BCAR3: variants seen among roughly 807,000 people sequenced by gnomAD.
BCAR3 encodes breast cancer anti-estrogen resistance protein 3.
BCAR3 carries 37 observed loss-of-function variants against 80.1 expected under a neutral mutation model. That is an observed-to-expected ratio of 0.46 (90% CI 0.36 to 0.61). The LOEUF (loss-of-function observed/expected upper bound fraction) is 0.61. BCAR3 is among the 20% of genes least tolerant of loss of function. The pLI, the probability that BCAR3 is intolerant of heterozygous loss-of-function variation, is 0.00. For synonymous variants in BCAR3, 389 were observed against 418.9 expected, an observed-to-expected ratio of 0.93 and a Z score of 0.87; for missense variants, 978 against 1,068.2, an observed-to-expected ratio of 0.92 and a Z score of 1.18.
chr1:93,820,683 T>C (rs1053564605), intron 2 of BCAR3, among the ~76,000 whole-genome samples: 8 of 152,150 alleles, frequency 5.3e-5, no homozygotes, highest in African/African-American at 1.7e-4. Context: ...TAACGTTGTT[T>C]AGGGTTTTTG....
At chr1:93,610,754 C>A (rs982550483) in intron 3 of BCAR3, among the ~76,000 whole-genome samples, 5 of 152,090 alleles carry the variant, frequency 3.3e-5, no homozygotes, top group African/African-American at 1.2e-4. Context: ...AAGATCAGCA[C>A]GGCCAACATG....
At chr1:93,692,502 A>C (rs1403793765) in intron 3 of BCAR3, among the ~76,000 whole-genome samples, 2 of 152,268 alleles carry the variant, frequency 1.3e-5, no homozygotes, top group Non-Finnish European at 2.9e-5. Flanking sequence ...TATGAATCAT[A>C]AAAGCTATGC....
At chr1:93,754,311 A>G (rs1223791024) in intron 2 of BCAR3, 1 of 152,228 alleles carries the variant, frequency 6.6e-6, no homozygotes, top group Non-Finnish European at 1.5e-5. Context: ...GAGATCACTG[A>G]GAGTTTAACT....
intron 2 of BCAR3, among the ~76,000 whole-genome samples, chr1:93,842,904 T>A (rs1655008544): frequency 6.6e-6 from 1 of 152,210 alleles, no homozygotes; most frequent in Non-Finnish European, 1.5e-5. Flanking sequence ...CCTGGCCACC[T>A]AATGTGGTTT....
rs200137575 is a variant in BCAR3, at chr1:93,567,507, T to C, written c.2087-16A>G. ...CATGTGGACTCTGAAGAATAAGGAG[T>C]AGAGTTTTCCATATCACATGTTTTC... On this transcript the variant is annotated splice_polypyrimidine_tract_variant and intron_variant, in intron 10 of 11. Transcript: ENST00000260502. The C allele has an allele frequency of 1.3e-5, 21 of 1,611,048 alleles. No homozygotes were observed. In the East Asian group the frequency reaches 4.7e-4, roughly 36 times the overall value.
At chr1:93,666,764 C>T (rs1647934584) in intron 2 of BCAR3, among the ~76,000 whole-genome samples, 1 of 152,198 alleles carries the variant, frequency 6.6e-6, no homozygotes, top group Non-Finnish European at 1.5e-5. Context: ...TTTTAGTGCA[C>T]TGCGTAGTTG....
chr1:93,724,816 G>C (rs970183000), intron 2 of BCAR3, among the ~76,000 whole-genome samples: 1 of 152,200 alleles, frequency 6.6e-6, no homozygotes, highest in Non-Finnish European at 1.5e-5. Flanking sequence ...TGGGGCTGGT[G>C]GAGGTGTCCT....
At chr1:93,628,250 AC>A (rs34162963) in intron 3 of BCAR3, among the ~76,000 whole-genome samples, 1 of 151,844 alleles carries the variant, frequency 6.6e-6, no homozygotes, top group African/African-American at 2.4e-5. Flanking sequence ...CATTCCTAGA[AC>A]CCCCTTATTT....
intron 2 of BCAR3, among the ~76,000 whole-genome samples, chr1:93,739,541 C>T (rs113481576): frequency 0.024 from 3,615 of 152,192 alleles, 152 homozygotes; most frequent in African/African-American, 0.083. Context: ...GAAATGTAGC[C>T]TCTTAGAACG....
At position 93,571,853 on chromosome 1, in the gene BCAR3, G is replaced by A. The variant is rs758819478; in HGVS notation, c.1803-12C>T. ...CCATTGTGTTGTGTCTGAAAGCCAG[G>A]AGATCAGCGGTCAGGTTCAGGGCCA... On this transcript the variant is annotated splice_polypyrimidine_tract_variant and intron_variant, in intron 8 of 11. Transcript: ENST00000260502. 16 of 1,609,154 alleles carry A rather than the reference G, an allele frequency of 9.9e-6. No homozygotes were observed. Among genetic ancestry groups the A allele is most frequent in the Non-Finnish European group, 1.4e-5 (16 of 1,177,212 alleles).
chr1:93,816,991 CATA>C (rs1250482889), intron 2 of BCAR3, among the ~76,000 whole-genome samples: 1 of 152,080 alleles, frequency 6.6e-6, no homozygotes, highest in Non-Finnish European at 1.5e-5. Flanking sequence ...AAAAAAAAGT[CATA>C]ATAATAGAAC....
chr1:93,564,290 C>CTTTTTTTTTTTTTTTTTTTTTTTTTTTT (rs35780346), intron 11 of BCAR3, among the ~76,000 whole-genome samples: 1 of 103,730 alleles, frequency 9.6e-6, no homozygotes, highest in African/African-American at 3.5e-5. Context: ...TTCTTTCTTT[C>CTTTTTTTTTTTTTTTTTTTTTTTTTTTT]TTTTTTTTTT....
chr1:93,676,082 G>T (rs140864261), intron 1 of BCAR3, among the ~76,000 whole-genome samples: 2 of 152,194 alleles, frequency 1.3e-5, no homozygotes, highest in Non-Finnish European at 2.9e-5. Context: ...GAGGAGAGCT[G>T]CCCCTTAGTC....
At chr1:93,650,861 A>C (rs541495281) in intron 2 of BCAR3, among the ~76,000 whole-genome samples, 1 of 152,256 alleles carries the variant, frequency 6.6e-6, no homozygotes, top group Admixed American at 6.5e-5. Flanking sequence ...GTGAAATCTG[A>C]TTGACCAAGT....
In BCAR3 at chr1:93,827,074, A is replaced by G. The variant is rs142077412; in HGVS notation, c.-63+18493T>C. On this transcript the variant is annotated intron_variant, in intron 2 of 13. Transcript: ENST00000370244. The stretch of plus-strand genomic sequence containing the variant: ...TTGTTTTGGTATTATGGAGCCCCTC[A>G]GAGTGCCAGGGCCATACAGGTACTT... Among the ~76,000 whole-genome samples, 43 of 152,332 alleles carry G rather than the reference A, an allele frequency of 2.8e-4. No homozygotes were observed. In the East Asian group the frequency reaches 8.3e-3, roughly 29 times the overall value.
intron 2 of BCAR3, among the ~76,000 whole-genome samples, chr1:93,710,356 G>T (rs1056006410): frequency 6.6e-6 from 1 of 152,298 alleles, no homozygotes; most frequent in South Asian, 2.1e-4. Context: ...TGTTTGCTAC[G>T]TCTCCCTTTG....
intron 2 of BCAR3, among the ~76,000 whole-genome samples, chr1:93,747,346 T>C (rs1651395506): frequency 6.8e-6 from 1 of 147,960 alleles, no homozygotes. Flanking sequence ...CAGTGTCCAA[T>C]AGCACAAGCT....
At chr1:93,601,540 C>T (rs1674623643) in intron 3 of BCAR3, among the ~76,000 whole-genome samples, 1 of 152,218 alleles carries the variant, frequency 6.6e-6, no homozygotes, top group Non-Finnish European at 1.5e-5. Context: ...AGGTGGCTCA[C>T]ATATCCACAA....
chr1:93,840,778 C>T (rs141892544), intron 2 of BCAR3, among the ~76,000 whole-genome samples: 9 of 152,316 alleles, frequency 5.9e-5, no homozygotes, highest in African/African-American at 1.7e-4. Flanking sequence ...TTAGAAAGCA[C>T]GGATGTTTAG....
Sources: allele counts gnomAD v4.1 joint callset (sites outside exome capture counted in the v4.1 genomes callset), GRCh38; gene constraint gnomAD v4.1.1; transcripts MANE v1.5; gene names NCBI Gene and HGNC (gene_info 2026-07-23, HGNC 2026-07-21).